The following PCDHGA1 variants were observed in gnomAD, a reference collection of about 807,000 sequenced individuals.
The protein encoded by PCDHGA1 is protocadherin gamma-A1.
PCDHGA1 carries 32 observed loss-of-function variants against 58.0 expected under a neutral mutation model. The observed-to-expected ratio is 0.55, with a 90% CI of 0.42 to 0.74. PCDHGA1 has a LOEUF of 0.74. PCDHGA1 is among the 30% of genes least tolerant of loss of function. PCDHGA1 has a pLI of 0.00. For missense variants in PCDHGA1, 1,205 were observed against 1,182.3 expected (o/e 1.02, Z -0.28); for synonymous variants, 498 against 501.1 (o/e 0.99, Z 0.08).
chr5:141,341,093 G>A, intron 1 of PCDHGA1: 1 of 1,614,224 alleles, frequency 6.2e-7, no homozygotes, highest in Non-Finnish European at 8.5e-7. Flanking sequence ...CCTGGCCTTC[G>A]TCATCGTGTT....
intron 1 of PCDHGA1, chr5:141,384,575 C>T (rs754018989): frequency 8.7e-6 from 14 of 1,614,258 alleles, no homozygotes; most frequent in South Asian, 2.2e-5. Flanking sequence ...AATGACAACC[C>T]GCCCGAGATC....
At chr5:141,369,020 A>G (rs1349066558) in intron 1 of PCDHGA1, among the ~76,000 whole-genome samples, 1 of 152,204 alleles carries the variant, frequency 6.6e-6, no homozygotes, top group African/African-American at 2.4e-5. Context: ...TTATTGCTGC[A>G]CACTTGCCTA....
chr5:141,422,577 T>G, intron 1 of PCDHGA1: 1 of 1,613,848 alleles, frequency 6.2e-7, no homozygotes, highest in Non-Finnish European at 8.5e-7. Context: ...ACGATAACCC[T>G]CCCGTTTTTC....
Position 141,332,069 on chromosome 5 carries a change from C to G in PCDHGA1, c.1385C>G (p.Pro462Arg). The change falls in exon 1 of 4, where the codon CCC (proline) becomes CGC (arginine). Residue 462 changes from proline to arginine, a missense_variant. Physicochemically the swap from Pro to Arg is moderately radical, Grantham distance 103. Transcript: ENST00000517417. This position sits in a 1 kb window ranked among gnomAD's most constrained non-coding sequence, Gnocchi z 4.6. ...FHQDSYSAYI[P>R]ENNPRGASIF... is the part of the protein sequence containing the mutation. ...CAGGACTCCTACTCTGCCTACATTC[C>G]CGAAAACAACCCCAGAGGAGCCTCC... 1.2e-6 allele frequency: 2 copies of G among 1,614,130 alleles called. No homozygotes were observed. Among genetic ancestry groups the G allele is most frequent in the Non-Finnish European group, 1.7e-6 (2 of 1,180,026 alleles).
chr5:141,489,397 G>T lies in PCDHGA1; in HGVS notation c.2422-5410G>T. ...GGTGGGGAATGTTGCTCAGGATCTG[G>T]GCTTAAAGATGACAGATCTGTTGAG... On this transcript the variant is annotated intron_variant, in intron 1 of 3. Coordinates refer to ENST00000517417, the MANE Select transcript of PCDHGA1 (RefSeq NM_018912.3). The surrounding 1 kb of genome is among the most constrained non-coding windows in gnomAD (Gnocchi z 4.5). 2 of 1,614,176 alleles carry T rather than the reference G, an allele frequency of 1.2e-6. No individual in the cohort carries two copies. Among genetic ancestry groups the T allele is most frequent in the Non-Finnish European group, 1.7e-6 (2 of 1,180,038 alleles).
intron 1 of PCDHGA1, chr5:141,395,250 C>A: frequency 6.4e-7 from 1 of 1,558,318 alleles, no homozygotes. Context: ...GAGTTTAGTT[C>A]TTTGCTTGCT....
At position 141,393,973 on chromosome 5, in the gene PCDHGA1, G is replaced by A. The variant is rs776954838; in HGVS notation, c.2421+60868G>A. ...AATGGTCAAGTTGTCTGTTACACAC[G>A]TGATAATTTACCTTTTAAATTAGAA... On this transcript the variant is annotated intron_variant, in intron 1 of 3. Transcript: ENST00000517417. 3.1e-6 allele frequency: 5 copies of A among 1,613,784 alleles called. No individual in the cohort carries two copies. The South Asian group carries it at 5.5e-5, about 18-fold the overall frequency.
chr5:141,395,809 A>T (rs1448942836), intron 1 of PCDHGA1: 1 of 152,108 alleles, frequency 6.6e-6, no homozygotes, highest in Non-Finnish European at 1.5e-5. Flanking sequence ...CCTTCAAAAC[A>T]TGAACAAACT....
chr5:141,382,072 G>T (rs901840757), intron 1 of PCDHGA1, among the ~76,000 whole-genome samples: 2 of 151,786 alleles, frequency 1.3e-5, no homozygotes, highest in Non-Finnish European at 2.9e-5. Context: ...CAGGTGATCC[G>T]CCCGCCTCGG....
chr5:141,355,405 A>C (rs759129732), intron 1 of PCDHGA1: 1 of 1,614,100 alleles, frequency 6.2e-7, no homozygotes, highest in Non-Finnish European at 8.5e-7. Flanking sequence ...CATCGTCTCC[A>C]GAGGTAGGAC....
chr5:141,405,593 C>T (rs1262163993), intron 1 of PCDHGA1: 1 of 579,000 alleles, frequency 1.7e-6, no homozygotes, highest in African/African-American at 1.9e-5. Context: ...TACAGGCCTC[C>T]CAAGTAGAAT....
At position 141,344,278 on chromosome 5, in the gene PCDHGA1, G is replaced by A. The variant is rs757495940; in HGVS notation, c.2421+11173G>A. On this transcript the variant is annotated intron_variant, in intron 1 of 3. Transcript: ENST00000517417. ...CTTTTCTCTCTGAATCCGCAAAGCG[G>A]CAGCTTGGTCACCGCGGAGAGGATA... 7.4e-5 allele frequency: 120 copies of A among 1,613,980 alleles called. No individual in the cohort carries two copies. The highest frequency in any genetic ancestry group is 9.8e-5 in the Non-Finnish European group (116 of 1,179,936).
At chr5:141,372,450 G>A in intron 1 of PCDHGA1, 1 of 1,614,034 alleles carries the variant, frequency 6.2e-7, no homozygotes, top group South Asian at 1.1e-5. Flanking sequence ...TGACCCTCAG[G>A]CGGAGCTACA....
chr5:141,509,873 G>C (rs2099878704), intron 3 of PCDHGA1, among the ~76,000 whole-genome samples: 1 of 152,196 alleles, frequency 6.6e-6, no homozygotes, highest in South Asian at 2.1e-4. Flanking sequence ...CAAGCTGCTG[G>C]TGGTGATGGT....
chr5:141,362,360 A>G lies in PCDHGA1; in HGVS notation c.2421+29255A>G, dbSNP rs758755542. 153 of 1,613,924 alleles carry G rather than the reference A, an allele frequency of 9.5e-5. No homozygotes were observed. In the South Asian group the frequency reaches 1.3e-3, roughly 14 times the overall value. On this transcript the variant is annotated intron_variant, in intron 1 of 3. Transcript: ENST00000517417. ...AAGCCTGGACCTGGGGTTCTCCCCA[A>G]TTACAGTGAGGGTACATTGCCCTAT...
Position 141,476,949 on chromosome 5 carries a change from A to G in PCDHGA1, c.2422-17858A>G. The stretch of plus-strand genomic sequence containing the variant: ...GATCTGGATGAAGGCCCCAACGGTG[A>G]AATTATTTACTCCTTCGGCAGCCAC... On this transcript the variant is annotated intron_variant, in intron 1 of 3. Transcript: ENST00000517417. The surrounding 1 kb of genome is among the most constrained non-coding windows in gnomAD (Gnocchi z 7.6). 6.2e-7 allele frequency: 1 copy of G among 1,614,200 alleles called. No individual in the cohort carries two copies. Among genetic ancestry groups the G allele is most frequent in the Admixed American group, 1.7e-5 (1 of 60,038 alleles).
chr5:141,494,855 G>C lies in PCDHGA1; in HGVS notation c.2470G>C (p.Gly824Arg), dbSNP rs200418116. The C allele has an allele frequency of 6.2e-7, 1 of 1,614,092 alleles. No homozygotes were observed. Among genetic ancestry groups the C allele is most frequent in the South Asian group, 1.1e-5 (1 of 91,072 alleles). ...DWRFSQAQRP[G>R]TSGSQNGDDT... is the part of the protein sequence containing the mutation. ...GCGTTTCTCTCAGGCCCAGAGACCC[G>C]GCACCAGCGGGTAGGTGACTGATTC... The change falls in exon 2 of 4, where the codon GGC (glycine) becomes CGC (arginine). Residue 824 changes from glycine (G) to arginine (R), a missense_variant. Transcript: ENST00000517417.
At position 141,431,020 on chromosome 5, in the gene PCDHGA1, G is replaced by T. The variant is rs941765907; in HGVS notation, c.2422-63787G>T. ...CGCGCAGCGGCAGCTTGGTCACGGCGGGCAGGATAGACCGGGAGGAGCTCT... is the reference window on the plus strand; with the variant it reads ...CGCGCAGCGGCAGCTTGGTCACGGCTGGCAGGATAGACCGGGAGGAGCTCT... On this transcript the variant is annotated intron_variant, in intron 1 of 3. Coordinates refer to ENST00000517417, the MANE Select transcript of PCDHGA1 (RefSeq NM_018912.3). This position sits in a 1 kb window ranked among gnomAD's most constrained non-coding sequence, Gnocchi z 4.8. 2.5e-6 allele frequency: 4 copies of T among 1,614,050 alleles called. No homozygotes were observed. The East Asian group carries it at 8.9e-5, about 36-fold the overall frequency.
Position 141,349,318 on chromosome 5 carries a change from C to T in PCDHGA1, c.2421+16213C>T, listed in dbSNP as rs371990923. Reference sequence around the variant, plus strand: ...CTCCTGACCTCATGTGTTCTTCCCACCTTGGCCTCCCAAAGTGCTGGGATC... The same window carrying T: ...CTCCTGACCTCATGTGTTCTTCCCATCTTGGCCTCCCAAAGTGCTGGGATC... On this transcript the variant is annotated intron_variant, in intron 1 of 3. Coordinates refer to ENST00000517417, the MANE Select transcript of PCDHGA1 (RefSeq NM_018912.3). 7.2e-5 allele frequency among the ~76,000 whole-genome samples: 11 copies of T among 152,294 alleles called. No homozygotes were observed. The East Asian group carries it at 2.1e-3, about 29-fold the overall frequency.
Sources: gnomAD v4.1 joint callset for allele counts (sites outside exome capture counted in the v4.1 genomes callset) on GRCh38, gnomAD v4.1.1 for gene constraint, Gnocchi (gnomAD v3.1) non-coding constraint, MANE v1.5 for transcripts, NCBI Gene and HGNC (gene_info 2026-07-23, HGNC 2026-07-21) for gene names.